The following NRXN3 variants were observed in gnomAD, a reference collection of about 807,000 sequenced individuals.
NRXN3 encodes neurexin 3, also known as neurexin III.
Under a neutral mutation model 137.6 loss-of-function variants are expected in NRXN3, and 32 were observed. That is an observed-to-expected ratio of 0.23 (90% CI 0.18 to 0.31). The LOEUF (loss-of-function observed/expected upper bound fraction) is 0.31. Among genes scored for constraint, NRXN3 ranks in the 10% least tolerant of loss-of-function variants. NRXN3 has a pLI of 1.00. For missense variants in NRXN3, 1,574 were observed against 2,062.5 expected, an observed-to-expected ratio of 0.76 and a Z score of 4.59; for synonymous variants, 798 against 784.5, an observed-to-expected ratio of 1.02 and a Z score of -0.29.
chr14:79,320,469 A>C (rs577663163), intron 15 of NRXN3, among the ~76,000 whole-genome samples: 1 of 152,304 alleles, frequency 6.6e-6, no homozygotes, highest in East Asian at 1.9e-4. Flanking sequence ...TGATACCGCT[A>C]TTGGAAAACT....
chr14:79,055,068 T>G (rs929922351), intron 15 of NRXN3, among the ~76,000 whole-genome samples: 3 of 152,174 alleles, frequency 2.0e-5, no homozygotes, highest in Non-Finnish European at 4.4e-5. Flanking sequence ...ATCCCACTAC[T>G]GTGGCTTACT....
chr14:78,581,052 A>G (rs2096989760), intron 4 of NRXN3, among the ~76,000 whole-genome samples: 1 of 152,240 alleles, frequency 6.6e-6, no homozygotes, highest in Admixed American at 6.5e-5. Context: ...ATTTTACATA[A>G]ACTTTTTATT....
chr14:78,730,690 A>T lies in NRXN3; in HGVS notation c.2044+15551A>T, dbSNP rs182829631. Among the ~76,000 whole-genome samples, 632 of 152,312 alleles carry T rather than the reference A, an allele frequency of 4.1e-3. 1 individual carries two copies. Among genetic ancestry groups the T allele is most frequent in the Admixed American group, 5.6e-3 (85 of 15,292 alleles). On this transcript the variant is annotated intron_variant, in intron 8 of 20. Transcript: ENST00000335750. ...CTTTGAGCACATTGTCTAACCTGGA[A>T]GTCATCTCCTTTTGAACCACAATAA...
chr14:79,799,998 C>A (rs1021466509), intron 19 of NRXN3, among the ~76,000 whole-genome samples: 1 of 152,170 alleles, frequency 6.6e-6, no homozygotes, highest in African/African-American at 2.4e-5. Flanking sequence ...ATGACATATA[C>A]CACTGACAGT....
At chr14:78,824,028 G>C (rs1053942995) in intron 10 of NRXN3, among the ~76,000 whole-genome samples, 1 of 150,716 alleles carries the variant, frequency 6.6e-6, no homozygotes, top group Admixed American at 6.6e-5. Context: ...CATCAATACT[G>C]TAAAGAGGGA....
At chr14:79,816,341 C>T (rs2099251284) in intron 20 of NRXN3, among the ~76,000 whole-genome samples, 1 of 152,146 alleles carries the variant, frequency 6.6e-6, no homozygotes, top group South Asian at 2.1e-4. Context: ...TAGCATGACT[C>T]GGGTTTCCCT....
intron 15 of NRXN3, among the ~76,000 whole-genome samples, chr14:79,184,253 T>C (rs1222443495): frequency 6.6e-6 from 1 of 152,196 alleles, no homozygotes; most frequent in African/African-American, 2.4e-5. Context: ...TTTGGGCAAC[T>C]GTTCAGTAAT....
At chr14:79,212,396 T>C (rs2067807143) in intron 15 of NRXN3, among the ~76,000 whole-genome samples, 1 of 152,150 alleles carries the variant, frequency 6.6e-6, no homozygotes, top group Non-Finnish European at 1.5e-5. Flanking sequence ...CCTCTGATAC[T>C]CTCTGTTCTT....
At chr14:79,664,065 T>G (rs1290740655) in intron 17 of NRXN3, 116 bp downstream of exon 17, 1 of 1,050,820 alleles carries the variant, frequency 9.5e-7, no homozygotes, top group Non-Finnish European at 1.4e-6. Context: ...AAGTACACAT[T>G]CATGATTTTT....
At chr14:78,731,609 G>A (rs200340629) in intron 8 of NRXN3, among the ~76,000 whole-genome samples, 18 of 53,530 alleles carry the variant, frequency 3.4e-4, no homozygotes, top group East Asian at 1.8e-3. Flanking sequence ...ATATATATAT[G>A]TGTGTGTGTG....
intron 19 of NRXN3, among the ~76,000 whole-genome samples, chr14:79,705,924 G>A (rs555685517): frequency 1.3e-5 from 2 of 152,300 alleles, no homozygotes; most frequent in Non-Finnish European, 2.9e-5. Flanking sequence ...AAATAGCACA[G>A]TGCCTAGAAC....
At chr14:79,307,875 C>G (rs1305515742) in intron 15 of NRXN3, among the ~76,000 whole-genome samples, 2 of 151,360 alleles carry the variant, frequency 1.3e-5, no homozygotes, top group East Asian at 3.9e-4. Context: ...CTAGGTTTGC[C>G]ATATGAAAGT....
At chr14:78,271,815 A>G (rs755575114) in intron 2 of NRXN3, among the ~76,000 whole-genome samples, 2 of 152,224 alleles carry the variant, frequency 1.3e-5, no homozygotes, top group Non-Finnish European at 2.9e-5. Context: ...CTATGAAGGT[A>G]GATGAATGGA....
intron 4 of NRXN3, among the ~76,000 whole-genome samples, chr14:78,345,646 G>T (rs1464082190): frequency 6.6e-6 from 1 of 152,018 alleles, no homozygotes; most frequent in Admixed American, 6.5e-5. Context: ...TCTCAGTCTC[G>T]ATGGATATAG....
At chr14:78,777,634 G>T (rs1344265975) in intron 8 of NRXN3, among the ~76,000 whole-genome samples, 3 of 152,128 alleles carry the variant, frequency 2.0e-5, no homozygotes, top group Non-Finnish European at 4.4e-5. Flanking sequence ...AGTGATGTTT[G>T]TCTAAACAAC....
chr14:78,537,057 C>A (rs983711060), intron 4 of NRXN3, among the ~76,000 whole-genome samples: 2 of 152,168 alleles, frequency 1.3e-5, no homozygotes, highest in African/African-American at 2.4e-5. Flanking sequence ...AGTAGTACCA[C>A]CATAAACATA....
At chr14:78,769,479 C>T (rs1432161176) in intron 8 of NRXN3, among the ~76,000 whole-genome samples, 1 of 152,208 alleles carries the variant, frequency 6.6e-6, no homozygotes, top group African/African-American at 2.4e-5. Flanking sequence ...TAATTGACTT[C>T]CTTTCTCCTG....
chr14:79,295,181 T>TC (rs779329743), intron 15 of NRXN3, among the ~76,000 whole-genome samples: 10 of 152,174 alleles, frequency 6.6e-5, no homozygotes, highest in Non-Finnish European at 1.3e-4. Flanking sequence ...TTTCCTTTTT[T>TC]CCCCCCTTGA....
chr14:78,907,679 G>A (rs1369282527), intron 10 of NRXN3, among the ~76,000 whole-genome samples: 1 of 152,008 alleles, frequency 6.6e-6, no homozygotes, highest in African/African-American at 2.4e-5. Context: ...ATAAGTGTAA[G>A]TTTGTTATGT....
Sources: gnomAD v4.1 joint callset for allele counts (sites outside exome capture counted in the v4.1 genomes callset) on GRCh38, gnomAD v4.1.1 for gene constraint, MANE v1.5 for transcripts, NCBI Gene and HGNC (gene_info 2026-07-23, HGNC 2026-07-21) for gene names.